Variants in SORCS2 observed in about 807,000 individuals in gnomAD.
SORCS2 encodes VPS10 domain-containing receptor SorCS2.
Under a neutral mutation model 141.6 loss-of-function variants are expected in SORCS2, and 100 were observed. The observed-to-expected ratio is 0.71, with a 90% CI of 0.60 to 0.83. The LOEUF is 0.83. Ranked by LOEUF, SORCS2 falls within the 40% of genes least tolerant of loss-of-function variation. SORCS2 has a pLI of 0.00. For synonymous variants in SORCS2, 789 were observed against 676.9 expected (o/e 1.17, Z -2.57); for missense variants, 1,646 against 1,560.2 (o/e 1.05, Z -0.93).
At chr4:7,620,856 C>T (rs141989738) in intron 3 of SORCS2, among the ~76,000 whole-genome samples, 118 of 152,282 alleles carry the variant, frequency 7.7e-4, no homozygotes, top group African/African-American at 2.7e-3. Flanking sequence ...CCGACCTGGA[C>T]GGGAGGGCAG....
At chr4:7,571,332 G>A (rs1715376822) in intron 3 of SORCS2, among the ~76,000 whole-genome samples, 1 of 152,192 alleles carries the variant, frequency 6.6e-6, no homozygotes, top group African/African-American at 2.4e-5. Context: ...GAGAAGAAGG[G>A]AAAGGGCATC....
intron 1 of SORCS2, among the ~76,000 whole-genome samples, chr4:7,383,771 TTAA>T (rs1254171463): frequency 6.6e-6 from 1 of 152,206 alleles, no homozygotes; most frequent in Non-Finnish European, 1.5e-5. Context: ...TGTAATTTCA[TTAA>T]TAATTTTACT....
chr4:7,629,304 A>AGCCTCCGGGAAGGGG (rs1719725842), intron 3 of SORCS2, among the ~76,000 whole-genome samples: 1 of 152,242 alleles, frequency 6.6e-6, no homozygotes. Flanking sequence ...CCAGCCACAC[A>AGCCTCCGGGAAGGGG]GCCTCCGGGA....
chr4:7,324,528 T>C lies in SORCS2; in HGVS notation c.481-71760T>C, dbSNP rs940274910. On this transcript the variant is annotated intron_variant, in intron 1 of 26. Coordinates refer to ENST00000507866, the MANE Select transcript of SORCS2 (RefSeq NM_020777.3). ...GGGGTTAGTCCTTGACAGGTGGGAC[T>C]GTGATTCACCCCTGCCGTGCTCACT... Among the ~76,000 whole-genome samples, 17 of 152,182 alleles carry C rather than the reference T, an allele frequency of 1.1e-4. 1 individual carries two copies. Among genetic ancestry groups the C allele is most frequent in the African/African-American group, 4.1e-4 (17 of 41,454 alleles).
intron 1 of SORCS2, among the ~76,000 whole-genome samples, chr4:7,388,039 C>T: frequency 6.7e-6 from 1 of 148,638 alleles, no homozygotes; most frequent in East Asian, 2.0e-4. Context: ...CGCACACATG[C>T]ACACACACAT....
intron 2 of SORCS2, among the ~76,000 whole-genome samples, chr4:7,457,908 CG>C (rs774639570): frequency 1.2e-4 from 19 of 152,052 alleles, no homozygotes; most frequent in Non-Finnish European, 2.4e-4. Context: ...GGCTGCAGGG[CG>C]GGGGTGTCCA....
chr4:7,296,795 C>G (rs1717093113), intron 1 of SORCS2, among the ~76,000 whole-genome samples: 7 of 152,062 alleles, frequency 4.6e-5, no homozygotes, highest in Admixed American at 4.6e-4. Context: ...GGAGAGGTGA[C>G]CCCCCAACAC....
At chr4:7,720,127 ACTGT>A (rs937671958) in intron 18 of SORCS2, among the ~76,000 whole-genome samples, 86 of 152,210 alleles carry the variant, frequency 5.7e-4, no homozygotes, top group African/African-American at 1.9e-3. Context: ...ACACTCACAC[ACTGT>A]CTCACACACA....
At chr4:7,416,706 AC>A (rs1725704955) in intron 2 of SORCS2, among the ~76,000 whole-genome samples, 1 of 121,322 alleles carries the variant, frequency 8.2e-6, no homozygotes, top group Non-Finnish European at 1.7e-5. Context: ...GCACTCACTC[AC>A]ACTTGTGCAC....
chr4:7,377,440 C>G (rs1314458008), intron 1 of SORCS2, among the ~76,000 whole-genome samples: 1 of 152,204 alleles, frequency 6.6e-6, no homozygotes, highest in Non-Finnish European at 1.5e-5. Flanking sequence ...ACGTTCCCAG[C>G]AGGCGCTCAA....
At chr4:7,659,906 T>C (rs1300838146) in intron 5 of SORCS2, among the ~76,000 whole-genome samples, 2 of 152,228 alleles carry the variant, frequency 1.3e-5, no homozygotes, top group Non-Finnish European at 2.9e-5. Flanking sequence ...GATGAAAAGA[T>C]GTTGCTTTGG....
At chr4:7,637,312 C>CGG (rs1466629928) in intron 3 of SORCS2, among the ~76,000 whole-genome samples, 2 of 44,818 alleles carry the variant, frequency 4.5e-5, no homozygotes, top group Non-Finnish European at 8.0e-5. Flanking sequence ...ATCAGCACCT[C>CGG]GGGCCTGCCC....
intron 2 of SORCS2, among the ~76,000 whole-genome samples, chr4:7,509,680 G>T (rs964478625): frequency 6.6e-6 from 1 of 152,214 alleles, no homozygotes; most frequent in African/African-American, 2.4e-5. Flanking sequence ...TGGGATGGAA[G>T]GAGCTGGTGT....
chr4:7,305,090 T>TG (rs1408187850), intron 1 of SORCS2, among the ~76,000 whole-genome samples: 14 of 150,770 alleles, frequency 9.3e-5, no homozygotes, highest in South Asian at 2.1e-4. Context: ...TGGAGTGCAG[T>TG]GAGTGATCTC....
chr4:7,467,830 G>A (rs192187226), intron 2 of SORCS2, among the ~76,000 whole-genome samples: 602 of 152,364 alleles, frequency 4.0e-3, no homozygotes, highest in Middle Eastern at 0.01. Context: ...TTCCTCTGCA[G>A]CTTTCCTGGG....
intron 2 of SORCS2, among the ~76,000 whole-genome samples, chr4:7,486,663 G>C (rs761605480): frequency 5.9e-5 from 9 of 152,156 alleles, no homozygotes; most frequent in Non-Finnish European, 8.8e-5. Flanking sequence ...CGGAAATCAC[G>C]GTGTCTGCAA....
chr4:7,211,651 G>C (rs1298342136), intron 1 of SORCS2, among the ~76,000 whole-genome samples: 2 of 152,218 alleles, frequency 1.3e-5, no homozygotes, highest in Non-Finnish European at 2.9e-5. Context: ...GGGATTACAG[G>C]TGTGAGCCAC....
intron 2 of SORCS2, among the ~76,000 whole-genome samples, chr4:7,441,207 T>G (rs1727642307): frequency 6.6e-6 from 1 of 152,100 alleles, no homozygotes; most frequent in African/African-American, 2.4e-5. Context: ...TAGAAGGAGT[T>G]GTTGGCTGCT....
intron 5 of SORCS2, among the ~76,000 whole-genome samples, chr4:7,656,811 C>T (rs1213897086): frequency 6.6e-6 from 1 of 152,228 alleles, no homozygotes. Context: ...GTGGAGGTCT[C>T]CCCACTACAG....
Sources: gnomAD v4.1 joint callset for allele counts (sites outside exome capture counted in the v4.1 genomes callset) on GRCh38, gnomAD v4.1.1 for gene constraint, MANE v1.5 for transcripts, NCBI Gene and HGNC (gene_info 2026-07-23, HGNC 2026-07-21) for gene names.